CAST: variants seen among roughly 807,000 people sequenced by gnomAD.
CAST encodes calpastatin.
A neutral mutation model predicts 119.6 loss-of-function variants in CAST; 76 were observed. That is an observed-to-expected ratio of 0.64 (90% CI 0.53 to 0.77). CAST has a LOEUF of 0.77. CAST is among the 30% of genes least tolerant of loss of function. The probability of loss-of-function intolerance (pLI) is 0.00; values close to 1 mark genes in which losing one functional copy is unlikely to be tolerated. For missense variants in CAST, 953 were observed against 946.5 expected (o/e 1.01, Z -0.09); for synonymous variants, 319 against 331.6 (o/e 0.96, Z 0.41).
the CAST span, among the ~76,000 whole-genome samples, chr5:96,178,158 A>G: frequency 2.0e-5 from 3 of 152,172 alleles, no homozygotes; most frequent in African/African-American, 7.2e-5. Context: ...CACAACCACA[A>G]CCCAAGATCA....
chr5:96,762,828 A>G (rs1252269931), intron 25 of CAST: 4 of 307,922 alleles, frequency 1.3e-5, no homozygotes, highest in Non-Finnish European at 1.8e-5. Flanking sequence ...ACGTCATGGA[A>G]TAGCATTGTT....
At chr5:96,394,206 C>A in the CAST span, among the ~76,000 whole-genome samples, 1 of 152,190 alleles carries the variant, frequency 6.6e-6, no homozygotes, top group African/African-American at 2.4e-5. Context: ...ACCTGAGGCA[C>A]TGTGCTAGAT....
the CAST span, among the ~76,000 whole-genome samples, chr5:96,381,971 T>C: frequency 1.3e-5 from 2 of 152,226 alleles, no homozygotes; most frequent in African/African-American, 4.8e-5. Flanking sequence ...GCATATAATG[T>C]GGCGTTAAAT....
At chr5:96,295,550 A>T in the CAST span, among the ~76,000 whole-genome samples, 3 of 152,244 alleles carry the variant, frequency 2.0e-5, no homozygotes, top group Non-Finnish European at 2.9e-5. Flanking sequence ...ATTGGGGTGT[A>T]TCAAATCTTT....
At chr5:96,026,494 C>T in the CAST span, among the ~76,000 whole-genome samples, 4 of 152,206 alleles carry the variant, frequency 2.6e-5, no homozygotes, top group Admixed American at 2.0e-4. Context: ...GAAGCTTTCA[C>T]CCTTGTGACT....
chr5:96,439,316 C>A, the CAST span, among the ~76,000 whole-genome samples: 268 of 147,364 alleles, frequency 1.8e-3, no homozygotes, highest in African/African-American at 6.3e-3. Flanking sequence ...ATGGGGAGAA[C>A]AGGAGTAGAA....
the CAST span, among the ~76,000 whole-genome samples, chr5:96,083,160 T>G: frequency 2.0e-5 from 3 of 152,218 alleles, no homozygotes; most frequent in African/African-American, 7.2e-5. Context: ...TATTGCTTTA[T>G]ATGCTCTTCC....
At chr5:96,428,542 C>A in the CAST span, among the ~76,000 whole-genome samples, 3 of 152,282 alleles carry the variant, frequency 2.0e-5, no homozygotes, top group African/African-American at 7.2e-5. Flanking sequence ...ACTGCCTCTA[C>A]CTTATTTACC....
At chr5:96,408,196 G>A in the CAST span, 3 of 1,515,000 alleles carry the variant, frequency 2.0e-6, no homozygotes, top group East Asian at 6.8e-5. Flanking sequence ...CCTTTGTAAA[G>A]GTGATTAGAA....
intron 1 of CAST, among the ~76,000 whole-genome samples, chr5:96,535,022 A>G (rs2150178413): frequency 6.6e-6 from 1 of 152,330 alleles, no homozygotes; most frequent in African/African-American, 2.4e-5. Flanking sequence ...CAAAGCCACA[A>G]TAATGTAAAC....
chr5:96,729,270 A>AG, intron 7 of CAST, 61 bp downstream of exon 7: 2 of 935,864 alleles, frequency 2.1e-6, no homozygotes, highest in Non-Finnish European at 3.4e-6. Context: ...ATATAATTAA[A>AG]ATCTTTCATT....
chr5:96,510,424 T>C, the CAST span, among the ~76,000 whole-genome samples: 1 of 152,228 alleles, frequency 6.6e-6, no homozygotes, highest in Admixed American at 6.5e-5. Flanking sequence ...ATGTTTCTTA[T>C]TATTGTAGCA....
At chr5:96,149,010 C>T in the CAST span, among the ~76,000 whole-genome samples, 5 of 152,194 alleles carry the variant, frequency 3.3e-5, no homozygotes, top group Non-Finnish European at 5.9e-5. Context: ...TTGGAAGAAT[C>T]CTTCTTAGGT....
At chr5:96,043,286 G>A in the CAST span, among the ~76,000 whole-genome samples, 3 of 152,200 alleles carry the variant, frequency 2.0e-5, no homozygotes, top group Non-Finnish European at 2.9e-5. Flanking sequence ...CCATTTGTTC[G>A]ATGGTCTCAG....
chr5:96,199,522 T>A, the CAST span, among the ~76,000 whole-genome samples: 1 of 152,178 alleles, frequency 6.6e-6, no homozygotes. Flanking sequence ...CTCCCAATTC[T>A]TGATGTACCT....
the CAST span, among the ~76,000 whole-genome samples, chr5:96,153,855 A>G: frequency 6.6e-6 from 1 of 152,212 alleles, no homozygotes; most frequent in South Asian, 2.1e-4. Flanking sequence ...TTCAATATTC[A>G]CAAGTTTTTT....
At chr5:96,105,326 G>A in the CAST span, among the ~76,000 whole-genome samples, 1 of 152,212 alleles carries the variant, frequency 6.6e-6, no homozygotes, top group South Asian at 2.1e-4. Context: ...TTTTCAAAGG[G>A]AATGCATCCA....
chr5:96,433,549 C>G, the CAST span, among the ~76,000 whole-genome samples: 1 of 152,130 alleles, frequency 6.6e-6, no homozygotes, highest in Non-Finnish European at 1.5e-5. Context: ...GAGTGCTTTC[C>G]CTCCCTTCCA....
intron 1 of CAST, among the ~76,000 whole-genome samples, chr5:96,565,812 T>C (rs999276887): frequency 2.0e-5 from 3 of 152,186 alleles, no homozygotes; most frequent in African/African-American, 4.8e-5. Context: ...ACAGGGTAAT[T>C]GGTGCTCAAA....
Sources: allele counts gnomAD v4.1 joint callset (sites outside exome capture counted in the v4.1 genomes callset), GRCh38; gene constraint gnomAD v4.1.1; transcripts MANE v1.5; gene names NCBI Gene and HGNC (gene_info 2026-07-23, HGNC 2026-07-21).